The following KTN1 variants were observed in gnomAD, a reference collection of about 807,000 sequenced individuals.
KTN1 encodes kinectin.
KTN1 carries 130 observed loss-of-function variants against 222.5 expected under a neutral mutation model. The observed-to-expected ratio is 0.58, with a 90% CI of 0.51 to 0.68. KTN1 has a LOEUF of 0.68. Ranked by LOEUF, KTN1 falls within the 30% of genes least tolerant of loss-of-function variation. KTN1 has a pLI of 0.00. For synonymous variants in KTN1, 512 were observed against 496.3 expected (o/e 1.03, Z -0.42); for missense variants, 1,508 against 1,500.4 (o/e 1.01, Z -0.08).
At chr14:55,628,860 C>T (rs910278209) in intron 6 of KTN1, among the ~76,000 whole-genome samples, 1 of 152,022 alleles carries the variant, frequency 6.6e-6, no homozygotes, top group Non-Finnish European at 1.5e-5. Flanking sequence ...TTCATTGAGC[C>T]GCATACTTAT....
Position 55,641,233 on chromosome 14 carries a change from A to G in KTN1, c.2103+25A>G, listed in dbSNP as rs141924846. ...GGTGTGTGATTAAGCTTGTACACTC[A>G]GGTTTCTTAGAACAACCTTGTATAC... On this transcript the variant is annotated intron_variant, in intron 17 of 43. Transcript: ENST00000395314. 10 of 1,373,850 alleles carry G rather than the reference A, an allele frequency of 7.3e-6. No individual in the cohort carries two copies. The African/African-American group carries it at 1.2e-4, about 16-fold the overall frequency. 85.1% of individuals were successfully genotyped at this position (1,373,850 alleles called of 1,614,324 possible).
At position 55,604,821 on chromosome 14, in the gene KTN1, A is replaced by G. The variant is rs536780132; in HGVS notation, c.-30-7198A>G. Among the ~76,000 whole-genome samples the G allele has an allele frequency of 1.1e-4, 17 of 152,070 alleles. No homozygotes were observed. The East Asian group carries it at 2.9e-3, about 26-fold the overall frequency. On this transcript the variant is annotated intron_variant, in intron 1 of 43. Transcript: ENST00000395314. ...AAGGATAGGTGGAGATTTCATACAA[A>G]GGACATGGCAAAGATTTTTAGATTT...
chr14:55,677,527 A>G (rs1447329092), intron 41 of KTN1, among the ~76,000 whole-genome samples: 1 of 151,880 alleles, frequency 6.6e-6, no homozygotes, highest in Admixed American at 6.6e-5. Context: ...ATAGGTAAGT[A>G]TAAAGCAGTA....
intron 7 of KTN1, among the ~76,000 whole-genome samples, chr14:55,632,515 G>A (rs540456854): frequency 6.6e-6 from 1 of 152,212 alleles, no homozygotes; most frequent in South Asian, 2.1e-4. Context: ...TTAGAGTGGT[G>A]GTCGCCAGGG....
chr14:55,635,556 C>A (rs140721916), intron 9 of KTN1, among the ~76,000 whole-genome samples: 267 of 152,298 alleles, frequency 1.8e-3, no homozygotes, highest in African/African-American at 6.1e-3. Flanking sequence ...TCACTTGGTC[C>A]AGTGAGATGC....
At chr14:55,592,067 TCTGA>T (rs1247447105) in intron 1 of KTN1, among the ~76,000 whole-genome samples, 4 of 152,226 alleles carry the variant, frequency 2.6e-5, no homozygotes, top group Non-Finnish European at 5.9e-5. Flanking sequence ...TGGCTTGTCT[TCTGA>T]CTTTCTTATG....
At chr14:55,649,952 G>T in intron 22 of KTN1, 139 bp downstream of exon 22, 1 of 514,454 alleles carries the variant, frequency 1.9e-6, no homozygotes, top group South Asian at 3.2e-5. Flanking sequence ...TTTCTTAATG[G>T]AATAAGAGAA....
At chr14:55,605,779 A>G (rs1027119944) in intron 1 of KTN1, among the ~76,000 whole-genome samples, 5 of 152,236 alleles carry the variant, frequency 3.3e-5, no homozygotes, top group African/African-American at 1.2e-4. Flanking sequence ...CTGTATTTGA[A>G]GGTTATCAAC....
In KTN1 at chr14:55,656,086, T is replaced by A. The variant is rs776065184; in HGVS notation, c.2846T>A (p.Leu949Gln). 7 of 1,611,618 alleles carry A rather than the reference T, an allele frequency of 4.3e-6. No homozygotes were observed. The African/African-American group carries it at 9.3e-5, about 22-fold the overall frequency. ...GAATTGAAGAGGTTAGAAGCCATGC[T>A]AAAAGAGAGGGAGAGTGATCTTTCT... is the stretch of plus-strand genomic sequence containing the variant. ...ENELKRLEAM[L>Q]KERESDLSSK... The change falls in exon 29 of 44, where the codon CTA becomes CAA. Residue 949 changes from leucine to glutamine, a missense_variant. Leu to Gln is a moderately radical substitution (Grantham distance 113). Coordinates refer to ENST00000395314, the MANE Select transcript of KTN1 (RefSeq NM_001079521.2).
intron 1 of KTN1, among the ~76,000 whole-genome samples, chr14:55,606,129 A>G (rs1046314813): frequency 2.6e-5 from 4 of 152,124 alleles, no homozygotes; most frequent in African/African-American, 7.2e-5. Flanking sequence ...CAAATAACCT[A>G]TAATAATAGC....
intron 40 of KTN1, chr14:55,674,345 C>T (rs1298797476): frequency 1.3e-5 from 2 of 152,040 alleles, no homozygotes; most frequent in African/African-American, 2.4e-5. Flanking sequence ...CTCCAGTGAA[C>T]ATTTCCTTTG....
chr14:55,592,575 C>T (rs1398032606), intron 1 of KTN1, among the ~76,000 whole-genome samples: 1 of 152,100 alleles, frequency 6.6e-6, no homozygotes, highest in Non-Finnish European at 1.5e-5. Flanking sequence ...TGTCCTTAAA[C>T]CAATTTTTGG....
At chr14:55,646,558 C>T (rs542612912) in intron 18 of KTN1, among the ~76,000 whole-genome samples, 1 of 110,606 alleles carries the variant, frequency 9.0e-6, no homozygotes, top group Middle Eastern at 5.4e-3. Flanking sequence ...CTCTCTTTCT[C>T]TCTCTTTCTC....
intron 1 of KTN1, among the ~76,000 whole-genome samples, chr14:55,586,464 A>G (rs2033025092): frequency 6.6e-6 from 1 of 152,206 alleles, no homozygotes; most frequent in African/African-American, 2.4e-5. Flanking sequence ...CTTATGAGGT[A>G]GGTACTATTT....
At chr14:55,644,072 A>G (rs2042054579) in intron 18 of KTN1, among the ~76,000 whole-genome samples, 1 of 152,174 alleles carries the variant, frequency 6.6e-6, no homozygotes, top group South Asian at 2.1e-4. Context: ...GCTTTTTATT[A>G]ATAGTCTAGA....
At chr14:55,676,170 A>G (rs562164163) in intron 41 of KTN1, among the ~76,000 whole-genome samples, 1 of 152,304 alleles carries the variant, frequency 6.6e-6, no homozygotes, top group East Asian at 1.9e-4. Flanking sequence ...ACAGAGTAAA[A>G]TTTAGTTGGA....
At chr14:55,631,341 G>GAGATATATATATATATATATAT (rs71448461) in intron 7 of KTN1, among the ~76,000 whole-genome samples, 7 of 114,718 alleles carry the variant, frequency 6.1e-5, no homozygotes, top group Non-Finnish European at 1.2e-4. Flanking sequence ...TGATAAGGTT[G>GAGATATATATATATATATATAT]ATATATATAT....
rs1327128347 is a variant in KTN1, at chr14:55,684,131, A to G, written c.*28A>G. On this transcript the variant is annotated 3_prime_UTR_variant, in exon 44 of 44. Transcript: ENST00000395314. ...TAATTGGGAAACTGTTCATTTGAGG[A>G]TAAAAAAGGCATTGTATTATATTTT... 6.3e-7 allele frequency: 1 copy of G among 1,580,924 alleles called. No homozygotes were observed. Among genetic ancestry groups the G allele is most frequent in the South Asian group, 1.1e-5 (1 of 88,446 alleles).
chr14:55,661,510 G>T lies in KTN1; in HGVS notation c.3000-12G>T. 1 of 1,455,686 alleles carries T rather than the reference G, an allele frequency of 6.9e-7. No individual in the cohort carries two copies. 90.2% of individuals were successfully genotyped at this position (1,455,686 alleles called of 1,614,324 possible). A position where few individuals can be genotyped will look rare whatever the true frequency, so the allele number is the denominator to read the frequency against. ...CTAAAATCTTGCTACATGTATTCAT[G>T]TTCTGGTTTAGAATTTCAGAAAGAG... On this transcript the variant is annotated splice_polypyrimidine_tract_variant and intron_variant, in intron 31 of 43. Coordinates refer to ENST00000395314, the MANE Select transcript of KTN1 (RefSeq NM_001079521.2).
Sources: gnomAD v4.1 joint callset for allele counts (sites outside exome capture counted in the v4.1 genomes callset) on GRCh38, gnomAD v4.1.1 for gene constraint, MANE v1.5 for transcripts, NCBI Gene and HGNC (gene_info 2026-07-23, HGNC 2026-07-21) for gene names.